GARNL3: variants seen among roughly 807,000 people sequenced by gnomAD.
GARNL3 encodes the protein GTPase activating Rap/RanGAP domain like 3.
In GARNL3, 63 loss-of-function variants were observed where a neutral mutation model predicts 125.0. The observed-to-expected ratio is 0.50, with a 90% CI of 0.41 to 0.62. The LOEUF (loss-of-function observed/expected upper bound fraction) is 0.62, where lower values mean the gene tolerates loss of function less well. Among genes scored for constraint, GARNL3 ranks in the 20% least tolerant of loss-of-function variants. GARNL3 has a pLI of 0.00. For synonymous variants in GARNL3, 439 were observed against 457.5 expected, an observed-to-expected ratio of 0.96 and a Z score of 0.52; for missense variants, 994 against 1,244.0, an observed-to-expected ratio of 0.80 and a Z score of 3.02.
intron 1 of GARNL3, among the ~76,000 whole-genome samples, chr9:127,287,767 G>T (rs1330493112): frequency 6.6e-6 from 1 of 152,212 alleles, no homozygotes; most frequent in Admixed American, 6.5e-5. Flanking sequence ...GTTTGATTAA[G>T]TTACTGCCCA....
chr9:127,260,572 G>A (rs531448591), upstream of GARNL3, among the ~76,000 whole-genome samples: 2 of 152,322 alleles, frequency 1.3e-5, no homozygotes, highest in African/African-American at 4.8e-5. Flanking sequence ...TAAAGGGTCA[G>A]TTCGTAAATA....
chr9:127,318,086 C>G lies in GARNL3; in HGVS notation c.462C>G (p.Pro154=), dbSNP rs1050824649. Residue 154 remains proline, a synonymous_variant, in exon 5 of 28, where the codon CCC becomes CCG. Transcript: ENST00000373387. ...RKTGTQKICL[P]YSPTKTLSVK... ...AGGGTACCCAGAAAATATGCCTTCCCTACAGTCCCACAAAAACTCTTTCTG... is the reference window on the plus strand; with the variant it reads ...AGGGTACCCAGAAAATATGCCTTCCGTACAGTCCCACAAAAACTCTTTCTG... 6 of 1,609,428 alleles carry G rather than the reference C, an allele frequency of 3.7e-6. No homozygotes were observed. The highest frequency in any genetic ancestry group is 5.1e-6 in the Non-Finnish European group (6 of 1,175,684).
intron 22 of GARNL3, chr9:127,368,929 T>TCAAAA (rs148678976): frequency 0.27 from 41,114 of 150,234 alleles, 6,122 homozygotes; most frequent in Middle Eastern, 0.39. Context: ...AGCAAGACTG[T>TCAAAA]CAAAACAAAA....
chr9:127,287,182 A>G (rs754972576), intron 1 of GARNL3, among the ~76,000 whole-genome samples: 8 of 152,190 alleles, frequency 5.3e-5, no homozygotes, highest in Admixed American at 2.6e-4. Flanking sequence ...GTGTCCAGCT[A>G]TGATTCTGCA....
chr9:127,316,965 G>A (rs72766245), intron 4 of GARNL3, among the ~76,000 whole-genome samples: 19,995 of 152,200 alleles, frequency 0.13, 1,713 homozygotes, highest in East Asian at 0.21. Flanking sequence ...TCCTCTAGCC[G>A]TTTGTGATGA....
rs16929757 is a variant in GARNL3, at chr9:127,294,139, G to A, written c.219+2897G>A. The stretch of plus-strand genomic sequence containing the variant: ...AGTGGGTCTTGGGATTTGACTCTTT[G>A]TCCCCAACAAGGTCACCAAAATCCA... On this transcript the variant is annotated intron_variant, in intron 2 of 27. Transcript: ENST00000373387. Among the ~76,000 whole-genome samples the A allele has an allele frequency of 9.3e-3, 1,423 of 152,220 alleles. 25 individuals carry two copies. Among genetic ancestry groups the A allele is most frequent in the African/African-American group, 0.032 (1,329 of 41,522 alleles).
chr9:127,269,381 G>A (rs1044159831), intron 1 of GARNL3, among the ~76,000 whole-genome samples: 6 of 152,196 alleles, frequency 3.9e-5, no homozygotes, highest in Admixed American at 2.6e-4. Context: ...ATGAACACTG[G>A]TGTACAGATA....
intron 2 of GARNL3, among the ~76,000 whole-genome samples, chr9:127,255,696 T>C (rs1422875340): frequency 6.6e-6 from 1 of 152,208 alleles, no homozygotes; most frequent in Non-Finnish European, 1.5e-5. Flanking sequence ...AGAACCAAGA[T>C]CTAGAATCAG....
chr9:127,276,307 TA>T (rs2063954868), intron 1 of GARNL3, among the ~76,000 whole-genome samples: 1 of 152,076 alleles, frequency 6.6e-6, no homozygotes, highest in Admixed American at 6.6e-5. Context: ...GTAGCCCTGT[TA>T]AAATTTTCTC....
At chr9:127,277,356 C>G (rs2063982692) in intron 1 of GARNL3, among the ~76,000 whole-genome samples, 2 of 150,736 alleles carry the variant, frequency 1.3e-5, no homozygotes, top group African/African-American at 4.9e-5. Context: ...CTCTTGCTCT[C>G]CCTGACTTCT....
At position 127,385,410 on chromosome 9, in the gene GARNL3, G is replaced by T. The variant is rs540160941; in HGVS notation, c.2388+265G>T. On this transcript the variant is annotated intron_variant, in intron 24 of 27. Coordinates refer to ENST00000373387, the MANE Select transcript of GARNL3 (RefSeq NM_032293.5). This position sits in a 1 kb window ranked among gnomAD's most constrained non-coding sequence, Gnocchi z 4.1. Reference sequence around the variant, plus strand: ...GCTGGGGAGCACTTAGCTGAAAAGAGATATCCCCGCTCAGAGACTGGGTCA... The same window carrying T: ...GCTGGGGAGCACTTAGCTGAAAAGATATATCCCCGCTCAGAGACTGGGTCA... Among the ~76,000 whole-genome samples the T allele has an allele frequency of 8.5e-4, 130 of 152,284 alleles. No individual in the cohort carries two copies. Among genetic ancestry groups the T allele is most frequent in the African/African-American group, 3.0e-3 (125 of 41,544 alleles).
intron 2 of GARNL3, among the ~76,000 whole-genome samples, chr9:127,257,619 G>A (rs1264500150): frequency 6.6e-6 from 1 of 152,186 alleles, no homozygotes; most frequent in Admixed American, 6.5e-5. Context: ...TAGGAGGTGT[G>A]CTTTCCAGAA....
In GARNL3 at chr9:127,236,520, C is replaced by T. The variant is rs545929166; in HGVS notation, c.-28-6559C>T. On this transcript the variant is annotated intron_variant, in intron 1 of 10. Coordinates refer to the GARNL3 transcript ENST00000439286. Reference sequence around the variant, plus strand: ...CCGGAGCACAGTGGCGTGATCATAGCTCACTGTAACTTCGAACCTCTGGGC... The same window carrying T: ...CCGGAGCACAGTGGCGTGATCATAGTTCACTGTAACTTCGAACCTCTGGGC... Among the ~76,000 whole-genome samples, 3 of 152,334 alleles carry T rather than the reference C, an allele frequency of 2.0e-5. No individual in the cohort carries two copies. The South Asian group carries it at 6.2e-4, about 32-fold the overall frequency.
At chr9:127,332,492 TA>T (rs1588875100) in intron 8 of GARNL3, 143 bp downstream of exon 8, 18 of 693,578 alleles carry the variant, frequency 2.6e-5, no homozygotes, top group Non-Finnish European at 2.0e-5. Flanking sequence ...GTGAATTTTG[TA>T]GGGCAGTTGT....
chr9:127,293,334 G>GT (rs1373975669), intron 2 of GARNL3, among the ~76,000 whole-genome samples: 3 of 152,170 alleles, frequency 2.0e-5, no homozygotes, highest in Non-Finnish European at 4.4e-5. Context: ...AATTGTAAGA[G>GT]TTTTTTATAT....
intron 8 of GARNL3, among the ~76,000 whole-genome samples, chr9:127,332,803 G>A (rs1829337389): frequency 6.6e-6 from 1 of 152,196 alleles, no homozygotes; most frequent in Non-Finnish European, 1.5e-5. Context: ...GCAGTAGTAA[G>A]CTGGGTTCAT....
intron 15 of GARNL3, among the ~76,000 whole-genome samples, chr9:127,345,115 G>A (rs1344950267): frequency 6.6e-6 from 1 of 150,390 alleles, no homozygotes; most frequent in Non-Finnish European, 1.5e-5. Context: ...TTTGAGGAGG[G>A]ACCTGAGAAT....
chr9:127,357,428 GTTGT>G, intron 21 of GARNL3, 51 bp downstream of exon 21: 1 of 1,564,872 alleles, frequency 6.4e-7, no homozygotes, highest in Admixed American at 1.7e-5. Flanking sequence ...AGTAATCATC[GTTGT>G]GTATTCTAAC....
chr9:127,279,750 AT>A (rs903540193), intron 1 of GARNL3, among the ~76,000 whole-genome samples: 15 of 150,600 alleles, frequency 1.0e-4, no homozygotes, highest in East Asian at 7.8e-4. Flanking sequence ...CATAGCCCCC[AT>A]TTTTTTTTGT....
Sources: allele counts gnomAD v4.1 joint callset (sites outside exome capture counted in the v4.1 genomes callset), GRCh38; gene constraint gnomAD v4.1.1; non-coding constraint Gnocchi (gnomAD v3.1); transcripts MANE v1.5; gene names NCBI Gene and HGNC (gene_info 2026-07-23, HGNC 2026-07-21).